Variants in SORCS3 observed in about 807,000 individuals in gnomAD.
SORCS3 encodes sortilin related VPS10 domain containing receptor 3, also known as VPS10 domain-containing receptor SorCS3.
SORCS3 carries 57 observed loss-of-function variants against 146.3 expected under a neutral mutation model. The ratio of observed to expected loss-of-function variants is 0.39; its 90% CI spans 0.31 to 0.49. The LOEUF is 0.49. Ranked by LOEUF, SORCS3 falls within the 20% of genes least tolerant of loss-of-function variation. The pLI, the probability that SORCS3 is intolerant of heterozygous loss-of-function variation, is 0.92. For missense variants in SORCS3, 1,341 were observed against 1,575.5 expected, an observed-to-expected ratio of 0.85 and a Z score of 2.52; for synonymous variants, 653 against 618.5, an observed-to-expected ratio of 1.06 and a Z score of -0.83.
At chr10:104,805,416 A>G (rs934525778) in intron 1 of SORCS3, among the ~76,000 whole-genome samples, 1 of 152,216 alleles carries the variant, frequency 6.6e-6, no homozygotes, top group African/African-American at 2.4e-5. Flanking sequence ...TAGTTAGGAA[A>G]TCTCAAATTT....
intron 2 of SORCS3, among the ~76,000 whole-genome samples, chr10:104,899,951 G>A (rs997483207): frequency 2.6e-5 from 4 of 152,034 alleles, no homozygotes; most frequent in African/African-American, 7.2e-5. Context: ...CAGCCCTCTT[G>A]CCTTACAGTG....
chr10:105,174,708 T>A, intron 13 of SORCS3, among the ~76,000 whole-genome samples: 1 of 152,082 alleles, frequency 6.6e-6, no homozygotes, highest in African/African-American at 2.4e-5. Context: ...TACCTGGACG[T>A]TGTTGTTTAT....
intron 1 of SORCS3, among the ~76,000 whole-genome samples, chr10:104,775,102 GT>G (rs2017293900): frequency 6.6e-6 from 1 of 152,200 alleles, no homozygotes; most frequent in Non-Finnish European, 1.5e-5. Context: ...CATTTATTGA[GT>G]GTTCACCCTT....
At chr10:105,261,707 C>G (rs1015780513) in intron 25 of SORCS3, among the ~76,000 whole-genome samples, 5 of 152,186 alleles carry the variant, frequency 3.3e-5, no homozygotes, top group African/African-American at 9.6e-5. Flanking sequence ...TTTCCAAATC[C>G]CACCTACTAT....
intron 1 of SORCS3, among the ~76,000 whole-genome samples, chr10:104,795,114 C>T (rs2017539930): frequency 6.6e-6 from 1 of 151,968 alleles, no homozygotes; most frequent in African/African-American, 2.4e-5. Flanking sequence ...AGCATAATGC[C>T]CTAACTATAA....
chr10:105,193,416 T>G (rs2056527736), intron 14 of SORCS3, among the ~76,000 whole-genome samples: 1 of 152,180 alleles, frequency 6.6e-6, no homozygotes. Flanking sequence ...GAAGTATTTA[T>G]TAAGCATCTG....
intron 1 of SORCS3, among the ~76,000 whole-genome samples, chr10:104,758,873 G>A (rs2017089039): frequency 6.6e-6 from 1 of 152,150 alleles, no homozygotes; most frequent in Admixed American, 6.5e-5. Context: ...ACCCAGACAT[G>A]ACTTCACTCT....
chr10:105,149,344 C>G (rs791141), intron 9 of SORCS3, among the ~76,000 whole-genome samples: 79,192 of 151,880 alleles, frequency 0.52, 20,947 homozygotes, highest in Middle Eastern at 0.56. Flanking sequence ...GTAGAAATAC[C>G]CTGATTTCCT....
intron 1 of SORCS3, among the ~76,000 whole-genome samples, chr10:104,660,817 A>G (rs2015691329): frequency 6.6e-6 from 1 of 152,108 alleles, no homozygotes; most frequent in Admixed American, 6.5e-5. Context: ...AGAGATGCCT[A>G]TTTCCTGTCT....
chr10:105,031,794 C>A (rs574606255), intron 4 of SORCS3, among the ~76,000 whole-genome samples: 1 of 152,244 alleles, frequency 6.6e-6, no homozygotes, highest in African/African-American at 2.4e-5. Context: ...TTATAAACAT[C>A]TTTCCTTATT....
chr10:104,692,046 C>T (rs554367254), intron 1 of SORCS3, among the ~76,000 whole-genome samples: 10 of 152,216 alleles, frequency 6.6e-5, no homozygotes, highest in African/African-American at 2.2e-4. Context: ...ATGAGCTGAT[C>T]AGGACTTGAT....
chr10:104,671,325 C>CTTTTTTTTTTTTTTTTTTTTTTTTTTTT lies in SORCS3; in HGVS notation c.627+29398_627+29399insTTTTTTTTTTTTTTTTTTTTTTTTTTTT, dbSNP rs771029154. ...ATGTTAAGGTAGTTTCATTCTTTTC[C>CTTTTTTTTTTTTTTTTTTTTTTTTTTTT]TTTTTTTTTTTTTTTTTTTTTTTTT... On this transcript the variant is annotated intron_variant, in intron 1 of 26. Transcript: ENST00000369701. 1.1e-3 allele frequency among the ~76,000 whole-genome samples: 21 copies of CTTTTTTTTTTTTTTTTTTTTTTTTTTTT among 19,202 alleles called. 10 individuals carry two copies. Among genetic ancestry groups the CTTTTTTTTTTTTTTTTTTTTTTTTTTTT allele is most frequent in the East Asian group, 9.0e-3 (4 of 446 alleles). 12.6% of individuals were successfully genotyped at this position (19,202 alleles called of 152,430 possible). A position where few individuals can be genotyped will look rare whatever the true frequency, so the allele number is the denominator to read the frequency against.
intron 5 of SORCS3, among the ~76,000 whole-genome samples, chr10:105,058,116 G>A (rs751571373): frequency 1.6e-4 from 24 of 152,312 alleles, no homozygotes; most frequent in Non-Finnish European, 3.2e-4. Flanking sequence ...TGTGCACAAT[G>A]GAGGCAGAGA....
intron 4 of SORCS3, among the ~76,000 whole-genome samples, chr10:105,006,809 T>C (rs2055099013): frequency 6.6e-6 from 1 of 152,212 alleles, no homozygotes; most frequent in Admixed American, 6.5e-5. Context: ...CCAACCATCC[T>C]ATGTAAAATC....
chr10:104,689,185 C>T (rs2016084454), intron 1 of SORCS3, among the ~76,000 whole-genome samples: 1 of 152,172 alleles, frequency 6.6e-6, no homozygotes, highest in Admixed American at 6.5e-5. Flanking sequence ...CTTGTAGTTC[C>T]AAGAAAGCTC....
intron 5 of SORCS3, among the ~76,000 whole-genome samples, chr10:105,087,687 A>T (rs891894119): frequency 9.2e-5 from 14 of 152,318 alleles, no homozygotes; most frequent in African/African-American, 3.4e-4. Context: ...CTACACACAT[A>T]GGTCCCAATG....
At chr10:105,181,131 G>A (rs1485671891) in intron 14 of SORCS3, among the ~76,000 whole-genome samples, 3 of 152,152 alleles carry the variant, frequency 2.0e-5, no homozygotes, top group Non-Finnish European at 4.4e-5. Context: ...CCAGGCTTGT[G>A]CTAACATGGA....
In SORCS3 at chr10:104,801,159, C is replaced by T. The variant is rs552326512; in HGVS notation, c.628-41633C>T. 7.2e-5 allele frequency among the ~76,000 whole-genome samples: 11 copies of T among 152,288 alleles called. No individual in the cohort carries two copies. The South Asian group carries it at 2.1e-3, about 29-fold the overall frequency. On this transcript the variant is annotated intron_variant, in intron 1 of 26. Coordinates refer to ENST00000369701, the MANE Select transcript of SORCS3 (RefSeq NM_014978.3). ...TTTCTGCCACTCATTGTTGGTGTGACTTAGGGAATGTCACTTAATCTCTCT... is the reference window on the plus strand; with the variant it reads ...TTTCTGCCACTCATTGTTGGTGTGATTTAGGGAATGTCACTTAATCTCTCT...
intron 4 of SORCS3, among the ~76,000 whole-genome samples, chr10:105,013,171 A>T (rs534898748): frequency 6.6e-6 from 1 of 152,338 alleles, no homozygotes; most frequent in South Asian, 2.1e-4. Flanking sequence ...TTAATGATTT[A>T]CAAAAGAAAA....
Sources: allele counts gnomAD v4.1 joint callset (sites outside exome capture counted in the v4.1 genomes callset), GRCh38; gene constraint gnomAD v4.1.1; transcripts MANE v1.5; gene names NCBI Gene and HGNC (gene_info 2026-07-23, HGNC 2026-07-21).